Variants in C10orf53 observed in about 807,000 individuals in gnomAD.
The protein encoded by C10orf53 is UPF0728 protein C10orf53.
C10orf53 carries 8 observed loss-of-function variants against 9.4 expected under a neutral mutation model. That is an observed-to-expected ratio of 0.85 (90% CI 0.50 to 1.53). The LOEUF (loss-of-function observed/expected upper bound fraction) is 1.53. Among genes scored for constraint, C10orf53 ranks in the 40% most tolerant of loss-of-function variants. C10orf53 has a pLI of 0.00. For missense variants in C10orf53, 117 were observed against 117.8 expected, an observed-to-expected ratio of 0.99 and a Z score of 0.03; for synonymous variants, 48 against 46.0, an observed-to-expected ratio of 1.04 and a Z score of -0.18.
chr10:49,697,908 T>TAA (rs1840649872), downstream of C10orf53, among the ~76,000 whole-genome samples: 1 of 152,144 alleles, frequency 6.6e-6, no homozygotes, highest in African/African-American at 2.4e-5. Flanking sequence ...TTCTAAAATT[T>TAA]AAAAAGAATA....
chr10:49,685,420 G>T lies in C10orf53; in HGVS notation c.97+5626G>T, dbSNP rs561305843. On this transcript the variant is annotated intron_variant, in intron 1 of 2. Coordinates refer to ENST00000374111, the MANE Select transcript of C10orf53 (RefSeq NM_001042427.3). ...TAAGCTATGATGTTCAGTATGTTAG[G>T]TGCCCTAAATGCATTTTTAACTTAA... 2.0e-5 allele frequency among the ~76,000 whole-genome samples: 3 copies of T among 152,264 alleles called. No individual in the cohort carries two copies. The East Asian group carries it at 5.8e-4, about 29-fold the overall frequency.
chr10:49,703,421 C>T (rs985767596), intron 2 of C10orf53, among the ~76,000 whole-genome samples: 4 of 152,208 alleles, frequency 2.6e-5, no homozygotes, highest in African/African-American at 9.7e-5. Context: ...ACATGAGCCT[C>T]CATTTGCATG....
intron 2 of C10orf53, 170 bp from the exon 3 acceptor site, chr10:49,694,368 C>A: frequency 1.1e-6 from 1 of 952,198 alleles, no homozygotes; most frequent in Non-Finnish European, 1.5e-6. Flanking sequence ...CCTCTCTGTG[C>A]TCAGAAGTTA....
At chr10:49,699,158 C>T (rs1590647053), downstream of C10orf53, among the ~76,000 whole-genome samples, 3 of 101,174 alleles carry the variant, frequency 3.0e-5, no homozygotes, top group African/African-American at 6.9e-5. Flanking sequence ...ATTTTTCTTT[C>T]TCTTGTTAAC....
intron 1 of C10orf53, among the ~76,000 whole-genome samples, chr10:49,691,700 G>A (rs761954548): frequency 6.6e-6 from 1 of 152,204 alleles, no homozygotes; most frequent in Non-Finnish European, 1.5e-5. Flanking sequence ...AAGTGCCACT[G>A]TCCTCTAAAC....
At chr10:49,688,202 C>G (rs1840547520) in intron 1 of C10orf53, among the ~76,000 whole-genome samples, 2 of 152,076 alleles carry the variant, frequency 1.3e-5, no homozygotes, top group African/African-American at 4.8e-5. Context: ...GCCCACTTTC[C>G]CTCTCCACTG....
At chr10:49,700,322 A>G (rs139634704), downstream of C10orf53, among the ~76,000 whole-genome samples, 40 of 152,336 alleles carry the variant, frequency 2.6e-4, no homozygotes, top group African/African-American at 9.6e-4. Context: ...GAGAAGTGGC[A>G]TCAGGGTGTT....
intron 1 of C10orf53, among the ~76,000 whole-genome samples, chr10:49,691,026 C>T (rs1246092156): frequency 6.6e-6 from 1 of 152,246 alleles, no homozygotes; most frequent in East Asian, 1.9e-4. Flanking sequence ...AGGCGGACTG[C>T]AGGTGGCCTT....
downstream of C10orf53, among the ~76,000 whole-genome samples, chr10:49,700,410 A>G (rs7088344): frequency 0.46 from 69,298 of 152,142 alleles, 16,207 homozygotes; most frequent in Middle Eastern, 0.5. Context: ...TCTGTCAGTC[A>G]TTCTGGGAAG....
chr10:49,692,027 G>C (rs1267276431), intron 1 of C10orf53, among the ~76,000 whole-genome samples: 3 of 152,176 alleles, frequency 2.0e-5, no homozygotes, highest in Non-Finnish European at 4.4e-5. Flanking sequence ...CAGCTCCGCC[G>C]TCCTGAGGGG....
chr10:49,705,531 C>G (rs1394576275), intron 2 of C10orf53, among the ~76,000 whole-genome samples: 1 of 152,046 alleles, frequency 6.6e-6, no homozygotes, highest in East Asian at 1.9e-4. Flanking sequence ...GATCCAAAAG[C>G]CACTTGCCTC....
downstream of C10orf53, among the ~76,000 whole-genome samples, chr10:49,701,798 C>A (rs1338580146): frequency 1.3e-5 from 2 of 152,168 alleles, no homozygotes; most frequent in African/African-American, 4.8e-5. Flanking sequence ...TTGCTGGTCT[C>A]TCCAGTGCCT....
chr10:49,697,714 G>C (rs368103869), downstream of C10orf53, among the ~76,000 whole-genome samples: 4 of 152,002 alleles, frequency 2.6e-5, no homozygotes, highest in Non-Finnish European at 5.9e-5. Context: ...ACCAAGCCCA[G>C]CTAATTTTTG....
intron 2 of C10orf53, among the ~76,000 whole-genome samples, chr10:49,704,561 T>C (rs992482274): frequency 1.3e-5 from 2 of 152,064 alleles, no homozygotes; most frequent in Non-Finnish European, 2.9e-5. Flanking sequence ...ACCAACATGG[T>C]GAAACCCTGT....
At chr10:49,686,536 C>T (rs558691483) in intron 1 of C10orf53, among the ~76,000 whole-genome samples, 24 of 152,234 alleles carry the variant, frequency 1.6e-4, no homozygotes, top group African/African-American at 3.6e-4. Flanking sequence ...GGAGAAATAT[C>T]GCTGAATTCT....
chr10:49,687,345 C>G (rs182499150), intron 1 of C10orf53, among the ~76,000 whole-genome samples: 1 of 152,284 alleles, frequency 6.6e-6, no homozygotes, highest in East Asian at 1.9e-4. Flanking sequence ...GGGGGAAACT[C>G]CCCATCTAGT....
intron 1 of C10orf53, among the ~76,000 whole-genome samples, chr10:49,684,779 T>C (rs941302690): frequency 6.6e-6 from 1 of 152,244 alleles, no homozygotes; most frequent in African/African-American, 2.4e-5. Context: ...AGTTTTGGGG[T>C]ATAAGATTAT....
At chr10:49,685,204 T>G (rs1840516000) in intron 1 of C10orf53, among the ~76,000 whole-genome samples, 1 of 152,096 alleles carries the variant, frequency 6.6e-6, no homozygotes, top group African/African-American at 2.4e-5. Flanking sequence ...GACTATATGC[T>G]GATGCTTTCA....
At chr10:49,683,314 T>G (rs2132874566) in intron 1 of C10orf53, among the ~76,000 whole-genome samples, 1 of 152,362 alleles carries the variant, frequency 6.6e-6, no homozygotes, top group South Asian at 2.1e-4. Context: ...ATTGGCCATT[T>G]GTATGTCTAT....
Sources: gnomAD v4.1 joint callset for allele counts (sites outside exome capture counted in the v4.1 genomes callset) on GRCh38, gnomAD v4.1.1 for gene constraint, MANE v1.5 for transcripts, NCBI Gene and HGNC (gene_info 2026-07-23, HGNC 2026-07-21) for gene names.